Variants in FOXP3 observed in about 807,000 individuals in gnomAD.
FOXP3 encodes forkhead box P3.
In FOXP3, 5 loss-of-function variants were observed where a neutral mutation model predicts 31.2. The ratio of observed to expected loss-of-function variants is 0.16; its 90% confidence interval spans 0.08 to 0.34. The LOEUF is 0.34. FOXP3 is among the 10% of genes least tolerant of loss of function. The probability of loss-of-function intolerance (pLI) is 1.00; values close to 1 mark genes in which losing one functional copy is unlikely to be tolerated. For missense variants in FOXP3, 251 were observed against 363.0 expected (o/e 0.69, Z 2.51); for synonymous variants, 141 against 148.8 (o/e 0.95, Z 0.38).
chrX:49,257,777 A>G lies in FOXP3; in HGVS notation c.211-9T>C. The G allele has an allele frequency of 8.6e-7, 1 of 1,156,206 alleles. No homozygotes were observed. Among genetic ancestry groups the G allele is most frequent in the Non-Finnish European group, 1.2e-6 (1 of 861,785 alleles). ...AGGGGCAGTGTGGGCAGCTGGGCAG[A>G]AAGGCAGGTGGGTGAGAGGCCATCC... On this transcript the variant is annotated splice_polypyrimidine_tract_variant and intron_variant, in intron 2 of 11. Coordinates refer to ENST00000376207, the MANE Select transcript of FOXP3 (RefSeq NM_014009.4).
At position 49,257,695 on chromosome X, in the gene FOXP3, A is replaced by G; in HGVS notation, c.284T>C (p.Leu95Pro). 1 of 1,180,952 alleles carries G rather than the reference A, an allele frequency of 8.5e-7. No homozygotes were observed. ...RLGPLPHLQA[L>P]LQDRPHFMHQ... ...CATGAAATGTGGCCTGTCCTGGAGG[A>G]GTGCCTGTAAGTGGGGCAAGGGGCC... Residue 95 changes from leucine (L) to proline (P), a missense_variant, in exon 3 of 12, where the codon CTC becomes CCC. By Grantham distance (98) the Leu-to-Pro change is moderately conservative. Around this residue, in one of 4 missense-constraint regions of FOXP3, gnomAD observed 152 missense variants for 188.1 expected, o/e 0.81. Transcript: ENST00000376207.
At chrX:49,259,058 A>C (rs1270304276) in intron 1 of FOXP3, among the ~76,000 whole-genome samples, 1 of 112,367 alleles carries the variant, frequency 8.9e-6, no homozygotes, top group Non-Finnish European at 1.9e-5. Flanking sequence ...ATGCTGGCAC[A>C]GAATGGGCTG....
At chrX:49,260,422 G>A (rs1259922135) in intron 1 of FOXP3, among the ~76,000 whole-genome samples, 4 of 112,323 alleles carry the variant, frequency 3.6e-5, no homozygotes, top group Non-Finnish European at 5.6e-5. Flanking sequence ...TACCGATTTC[G>A]GTGCAAATGG....
At chrX:49,264,584 C>T (rs1343138509) in intron 1 of FOXP3, 77 bp downstream of exon 1, 4 of 614,902 alleles carry the variant, frequency 6.5e-6, no homozygotes, top group Admixed American at 9.0e-5. Flanking sequence ...GGGCCCCTGA[C>T]CCCCCCGCCG....
Position 49,253,969 on chromosome X carries a change from C to T in FOXP3, c.915G>A (p.Leu305=). 8.3e-7 allele frequency: 1 copy of T among 1,211,000 alleles called. No homozygotes were observed. The highest frequency in any genetic ancestry group is 1.1e-6 in the Non-Finnish European group (1 of 895,179). The change falls in exon 9 of 12, where the codon CTG becomes CTA. Residue 305 remains leucine (L), a synonymous_variant. Coordinates refer to ENST00000376207, the MANE Select transcript of FOXP3 (RefSeq NM_014009.4). ...CCCACAGGTGCCTCCGGACAGCAAA[C>T]AGGCTGTCAGGGGCCTCCCGGGGGC... ...WSGPREAPDS[L]FAVRRHLWGS...
At position 49,257,721 on chromosome X, in the gene FOXP3, C is replaced by G; in HGVS notation, c.258G>C (p.Leu86=). 1 of 1,178,259 alleles carries G rather than the reference C, an allele frequency of 8.5e-7. No individual in the cohort carries two copies. The change falls in exon 3 of 12, where the codon CTG becomes CTC. Residue 86 remains leucine (L), a synonymous_variant. Coordinates refer to ENST00000376207, the MANE Select transcript of FOXP3 (RefSeq NM_014009.4). The stretch of plus-strand genomic sequence containing the variant: ...GTGCCTGTAAGTGGGGCAAGGGGCC[C>G]AGCCGTGCCCCGGAGGGTGCCACCA... ...LVMVAPSGAR[L]GPLPHLQALL... is the part of the protein sequence containing the mutation.
Position 49,254,125 on chromosome X carries a change from C to T in FOXP3, c.817-58G>A. On this transcript the variant is annotated intron_variant, in intron 8 of 11. Coordinates refer to ENST00000376207, the MANE Select transcript of FOXP3 (RefSeq NM_014009.4). ...GCTTAAACTTCCCACTTTTTACTTT[C>T]TATTTTATGTTTTTTATTTTTTTTG... 9 of 1,146,018 alleles carry T rather than the reference C, an allele frequency of 7.9e-6. No homozygotes were observed. In the South Asian group the frequency reaches 1.8e-4, roughly 22 times the overall value. 94.4% of individuals were successfully genotyped at this position (1,146,018 alleles called of 1,213,427 possible).
chrX:49,251,363 T>G lies in FOXP3; in HGVS notation c.1267A>C (p.Arg423=), dbSNP rs1557115512. The G allele has an allele frequency of 8.3e-7, 1 of 1,210,910 alleles. No individual in the cohort carries two copies. The highest frequency in any genetic ancestry group is 2.2e-5 in the Admixed American group (1 of 45,973). Residue 423 remains arginine (R), a synonymous_variant, in exon 12 of 12, where the codon AGG becomes CGG. Coordinates refer to ENST00000376207, the MANE Select transcript of FOXP3 (RefSeq NM_014009.4). Reference sequence around the variant, plus strand: ...GGGCCAGGTGTAGGGTTGGAACACCTGCTGGGCCTCTGGCTCCGTTTCTTG... The same window carrying G: ...GGGCCAGGTGTAGGGTTGGAACACCGGCTGGGCCTCTGGCTCCGTTTCTTG... ...FRKKRSQRPS[R]CSNPTPGP is the part of the protein sequence containing the mutation.
intron 1 of FOXP3, among the ~76,000 whole-genome samples, chrX:49,262,626 C>G (rs1409420897): frequency 4.5e-5 from 5 of 112,069 alleles, no homozygotes; most frequent in African/African-American, 1.6e-4. Context: ...GTGTGTCAGG[C>G]CTTGTGCTAA....
rs1557115536 is a variant in FOXP3 at position 49,251,431 on chromosome X, C to T, written c.1199G>A (p.Ser400Asn). Residue 400 changes from serine to asparagine, a missense_variant, in exon 12 of 12, where the codon AGC (serine) becomes AAC (asparagine). Physicochemically the swap from Ser to Asn is conservative, Grantham distance 46. Transcript: ENST00000376207. Reference protein sequence around the residue: ...SLHKCFVRVESEKGAVWTVDE... With the variant: ...SLHKCFVRVENEKGAVWTVDE... ...CACGGTCCACACAGCCCCCTTCTCGCTCTCCACCCGCACAAAGCACTTGTG... is the reference window on the plus strand; with the variant it reads ...CACGGTCCACACAGCCCCCTTCTCGTTCTCCACCCGCACAAAGCACTTGTG... 1 of 1,212,143 alleles carries T rather than the reference C, an allele frequency of 8.2e-7. No individual in the cohort carries two copies. Among genetic ancestry groups the T allele is most frequent in the South Asian group, 1.8e-5 (1 of 57,013 alleles).
rs140222626 is a variant in FOXP3, at chrX:49,256,847, G to A, written c.551C>T (p.Ser184Leu). ...PSAPRKDSTL[S>L]AVPQSSYPLL... Reference sequence around the variant, plus strand: ...TGGGTAGGAGCTCTGGGGCACAGCCGAAAGGGTGCTGGGGGGACAGAGGGT... The same window carrying A: ...TGGGTAGGAGCTCTGGGGCACAGCCAAAAGGGTGCTGGGGGGACAGAGGGT... The change falls in exon 6 of 12, where the codon TCG becomes TTG. Residue 184 changes from serine to leucine, a missense_variant. By Grantham distance (145) the Ser-to-Leu change is moderately radical. This residue lies in a region of FOXP3 where 152 missense variants were observed against 188.1 expected (regional missense o/e 0.81). Coordinates refer to ENST00000376207, the MANE Select transcript of FOXP3 (RefSeq NM_014009.4). The A allele has an allele frequency of 2.8e-5, 34 of 1,210,334 alleles. No individual in the cohort carries two copies. Among genetic ancestry groups the A allele is most frequent in the African/African-American group, 2.6e-4 (15 of 57,517 alleles).
intron 9 of FOXP3, 38 bp downstream of exon 9, chrX:49,253,879 A>G: frequency 8.3e-7 from 1 of 1,209,201 alleles, no homozygotes; most frequent in Non-Finnish European, 1.1e-6. Flanking sequence ...CAGGATTAGG[A>G]GCTTGGGGGC....
rs782149427 is a variant in FOXP3 at position 49,258,237 on chromosome X, G to A, written c.210+59C>T. On this transcript the variant is annotated intron_variant, in intron 2 of 11. Coordinates refer to ENST00000376207, the MANE Select transcript of FOXP3 (RefSeq NM_014009.4). ...CCCGCCCAGTGCCACAGTAAAGGTC[G>A]GCACCTGTAGGTCCAGGTACCCCAC... 8.9e-5 allele frequency: 88 copies of A among 983,461 alleles called. No homozygotes were observed. In the Admixed American group the frequency reaches 9.9e-4, roughly 11 times the overall value. 81.0% of individuals were successfully genotyped at this position (983,461 alleles called of 1,213,427 possible). A position where few individuals can be genotyped will look rare whatever the true frequency, so the allele number is the denominator to read the frequency against.
In FOXP3 at chrX:49,251,238, TG is replaced by T; in HGVS notation, c.*95del. On this transcript the variant is annotated 3_prime_UTR_variant, in exon 12 of 12. Coordinates refer to ENST00000376207, the MANE Select transcript of FOXP3 (RefSeq NM_014009.4). ...TGGAAACCTCACTTCTTGGTCCCTG[TG>T]GGCACATCCAGGGCCTATCATCCCT... 9.7e-7 allele frequency: 1 copy of T among 1,030,877 alleles called. No individual in the cohort carries two copies. Among genetic ancestry groups the T allele is most frequent in the South Asian group, 2.0e-5 (1 of 49,789 alleles). The allele number at this position is 1,030,877 out of a possible 1,213,427, so 85.0% of individuals were successfully genotyped here.
intron 1 of FOXP3, among the ~76,000 whole-genome samples, chrX:49,261,266 CT>C: frequency 8.9e-6 from 1 of 112,617 alleles, no homozygotes; most frequent in South Asian, 3.7e-4. Flanking sequence ...CAGCTTGCTG[CT>C]TCATAGGGCC....
In FOXP3 at chrX:49,254,082, G is replaced by A; in HGVS notation, c.817-15C>T. The A allele has an allele frequency of 8.3e-7, 1 of 1,205,881 alleles. No individual in the cohort carries two copies. The highest frequency in any genetic ancestry group is 1.7e-5 in the African/African-American group (1 of 57,791). ...TCGGATGATGCCTGGGTGAGGGGGAGAGGCTGGTGACCCAGAGGCTTAAAC... is the reference window on the plus strand; with the variant it reads ...TCGGATGATGCCTGGGTGAGGGGGAAAGGCTGGTGACCCAGAGGCTTAAAC... On this transcript the variant is annotated splice_polypyrimidine_tract_variant and intron_variant, in intron 8 of 11. Coordinates refer to ENST00000376207, the MANE Select transcript of FOXP3 (RefSeq NM_014009.4).
chrX:49,256,407 G>A (rs190861094), intron 6 of FOXP3, among the ~76,000 whole-genome samples: 14 of 110,835 alleles, frequency 1.3e-4, no homozygotes, highest in South Asian at 3.9e-4. Context: ...CTAGAGCCTG[G>A]CTACATGGGT....
At chrX:49,260,055 T>C (rs1235270442) in intron 1 of FOXP3, among the ~76,000 whole-genome samples, 1 of 111,231 alleles carries the variant, frequency 9.0e-6, no homozygotes, top group African/African-American at 3.3e-5. Context: ...ATCCAGGTAT[T>C]AAGTTCTTAG....
chrX:49,251,591 C>G, intron 11 of FOXP3, 73 bp downstream of exon 11: 2 of 1,207,953 alleles, frequency 1.7e-6, no homozygotes, highest in Non-Finnish European at 2.2e-6. Context: ...TGAGCCCAGA[C>G]CCAGGCCTGC....
Sources: allele counts gnomAD v4.1 joint callset (sites outside exome capture counted in the v4.1 genomes callset), GRCh38; gene constraint gnomAD v4.1.1; regional missense constraint gnomAD v4.1.1; transcripts MANE v1.5; gene names NCBI Gene and HGNC (gene_info 2026-07-23, HGNC 2026-07-21).